Variants in NAALADL2 observed in about 807,000 individuals in gnomAD.
The protein encoded by NAALADL2 is inactive N-acetylated-alpha-linked acidic dipeptidase-like protein 2.
In NAALADL2, 76 loss-of-function variants were observed where a neutral mutation model predicts 87.2. That is an observed-to-expected ratio of 0.87 (90% confidence interval 0.72 to 1.05). NAALADL2 has a LOEUF of 1.05. Ranked by LOEUF, NAALADL2 falls within the 50% of genes least tolerant of loss-of-function variation. The pLI is 0.00. For missense variants in NAALADL2, 1,089 were observed against 945.8 expected (o/e 1.15, Z -1.99); for synonymous variants, 354 against 331.0 (o/e 1.07, Z -0.75).
chr3:174,455,850 T>C (rs1445949536), intron 1 of NAALADL2, among the ~76,000 whole-genome samples: 1 of 151,956 alleles, frequency 6.6e-6, no homozygotes, highest in African/African-American at 2.4e-5. Context: ...CTATTCAACA[T>C]AGTATTGGAA....
chr3:174,443,399 G>C (rs1714809018), intron 1 of NAALADL2, among the ~76,000 whole-genome samples: 1 of 152,204 alleles, frequency 6.6e-6, no homozygotes, highest in South Asian at 2.1e-4. Flanking sequence ...AAATTAAGGA[G>C]AATGTAATTG....
At chr3:175,114,551 C>T (rs1379249934) in intron 2 of NAALADL2, among the ~76,000 whole-genome samples, 1 of 151,608 alleles carries the variant, frequency 6.6e-6, no homozygotes, top group East Asian at 1.9e-4. Flanking sequence ...CTTAGAGTTA[C>T]TTAGAGCACT....
At chr3:175,148,108 TAATAATAATAATAATAA>T in intron 2 of NAALADL2, among the ~76,000 whole-genome samples, 1 of 146,860 alleles carries the variant, frequency 6.8e-6, no homozygotes. Context: ...ATAATAATAA[TAATAATAATAATAATAA>T]AATAATAATA....
intron 10 of NAALADL2, among the ~76,000 whole-genome samples, chr3:175,615,949 G>C (rs4539947): frequency 0.69 from 100,453 of 146,472 alleles, 35,329 homozygotes; most frequent in East Asian, 0.85. Flanking sequence ...ATGTTATATA[G>C]TATATATTAT....
chr3:175,177,805 G>A (rs1735899417), intron 2 of NAALADL2, among the ~76,000 whole-genome samples: 1 of 151,512 alleles, frequency 6.6e-6, no homozygotes, highest in East Asian at 2.0e-4. Context: ...GCACGAATAA[G>A]TGAGGTGATT....
intron 5 of NAALADL2, among the ~76,000 whole-genome samples, chr3:175,395,373 G>A (rs1425710345): frequency 6.6e-6 from 1 of 152,130 alleles, no homozygotes; most frequent in Admixed American, 6.6e-5. Flanking sequence ...CTATGGATAA[G>A]GGGAGCCCAC....
chr3:175,617,159 G>C (rs1361311571), intron 10 of NAALADL2, among the ~76,000 whole-genome samples: 1 of 152,176 alleles, frequency 6.6e-6, no homozygotes, highest in African/African-American at 2.4e-5. Flanking sequence ...CAGGTTAAAG[G>C]CTTTCCTGAG....
chr3:175,239,759 T>A (rs1746510909), intron 3 of NAALADL2, among the ~76,000 whole-genome samples: 1 of 152,186 alleles, frequency 6.6e-6, no homozygotes, highest in Non-Finnish European at 1.5e-5. Context: ...CTAGCATCCT[T>A]TCTTAATAGG....
intron 4 of NAALADL2, among the ~76,000 whole-genome samples, chr3:175,263,837 T>TTA (rs1025862577): frequency 2.0e-4 from 31 of 151,582 alleles, no homozygotes; most frequent in South Asian, 4.2e-4. Flanking sequence ...TCAGAAATAT[T>TTA]TATATATATA....
chr3:175,543,572 C>T (rs113275129), intron 9 of NAALADL2, among the ~76,000 whole-genome samples: 14,729 of 152,128 alleles, frequency 0.097, 968 homozygotes, highest in Non-Finnish European at 0.15. Flanking sequence ...TCCTTCTTCA[C>T]GTGGTGGCAG....
intron 1 of NAALADL2, among the ~76,000 whole-genome samples, chr3:175,026,447 C>T (rs1392250055): frequency 1.4e-5 from 2 of 144,980 alleles, no homozygotes; most frequent in African/African-American, 5.2e-5. Flanking sequence ...GAGTTCGAGA[C>T]CAGCCTGGCC....
intron 4 of NAALADL2, among the ~76,000 whole-genome samples, chr3:175,298,016 C>T (rs1006963493): frequency 1.1e-4 from 17 of 152,050 alleles, no homozygotes; most frequent in Non-Finnish European, 1.3e-4. Context: ...TACAACAATG[C>T]TTGGCATATA....
intron 11 of NAALADL2, among the ~76,000 whole-genome samples, chr3:175,669,168 G>A (rs916262905): frequency 6.6e-6 from 1 of 151,818 alleles, no homozygotes; most frequent in African/African-American, 2.4e-5. Flanking sequence ...AGGGAAAAGT[G>A]CAGCCCAAAC....
At chr3:175,305,906 G>A (rs1200833788) in intron 4 of NAALADL2, among the ~76,000 whole-genome samples, 2 of 151,918 alleles carry the variant, frequency 1.3e-5, no homozygotes, top group African/African-American at 4.8e-5. Flanking sequence ...ATATGAATTT[G>A]TTTCTCTGCC....
intron 2 of NAALADL2, among the ~76,000 whole-genome samples, chr3:174,656,486 A>G (rs759975155): frequency 1.2e-4 from 18 of 152,212 alleles, no homozygotes; most frequent in South Asian, 4.1e-4. Flanking sequence ...GTGTTCTCAA[A>G]TGGAGAAGTG....
rs141096067 is a variant in NAALADL2, at chr3:174,845,464, C to T, written c.-9+107718C>T. 4.0e-3 allele frequency among the ~76,000 whole-genome samples: 613 copies of T among 152,310 alleles called. 3 individuals are homozygous for T. The highest frequency in any genetic ancestry group is 0.014 in the African/African-American group (565 of 41,576). ...GGAAGGCAGGGCACCTCTTGGCTGGCTGTCTAGGTTTCTCTCTGGTAGGGC... is the reference window on the plus strand; with the variant it reads ...GGAAGGCAGGGCACCTCTTGGCTGGTTGTCTAGGTTTCTCTCTGGTAGGGC... On this transcript the variant is annotated intron_variant, in intron 3 of 3. Transcript: ENST00000434257.
chr3:174,481,226 C>T (rs1717526765), intron 1 of NAALADL2, among the ~76,000 whole-genome samples: 1 of 151,966 alleles, frequency 6.6e-6, no homozygotes, highest in East Asian at 1.9e-4. Context: ...AGCATTAGCA[C>T]TATAATTCTA....
At position 175,266,108 on chromosome 3, in the gene NAALADL2, A is replaced by C. The variant is rs77974972; in HGVS notation, c.939+9578A>C. Among the ~76,000 whole-genome samples, 288 of 150,832 alleles carry C rather than the reference A, an allele frequency of 1.9e-3. 2 individuals carry two copies. Among genetic ancestry groups the C allele is most frequent in the African/African-American group, 6.5e-3 (269 of 41,504 alleles). The stretch of plus-strand genomic sequence containing the variant: ...TAGATTTGCATTTCAAAATTTCATT[A>C]AGTCTATGTAATTTTATTTTGTATA... On this transcript the variant is annotated intron_variant, in intron 4 of 13. Coordinates refer to ENST00000454872, the MANE Select transcript of NAALADL2 (RefSeq NM_207015.3).
chr3:174,463,117 A>G (rs1716310265), intron 1 of NAALADL2, among the ~76,000 whole-genome samples: 1 of 152,218 alleles, frequency 6.6e-6, no homozygotes, highest in Non-Finnish European at 1.5e-5. Context: ...TTAAGAAAAT[A>G]CAGTTTTGTT....
Sources: allele counts gnomAD v4.1 joint callset (sites outside exome capture counted in the v4.1 genomes callset), GRCh38; gene constraint gnomAD v4.1.1; transcripts MANE v1.5; gene names NCBI Gene and HGNC (gene_info 2026-07-23, HGNC 2026-07-21).